DNM3: variants seen among roughly 807,000 people sequenced by gnomAD.
DNM3 encodes dynamin 3, also known as dynamin-3.
Under a neutral mutation model 101.6 loss-of-function variants are expected in DNM3, and 47 were observed. The ratio of observed to expected loss-of-function variants is 0.46; its 90% CI spans 0.37 to 0.59. DNM3 has a LOEUF of 0.59. DNM3 is among the 20% of genes least tolerant of loss of function. The pLI, the probability that DNM3 is intolerant of heterozygous loss-of-function variation, is 0.00. For missense variants in DNM3, 849 were observed against 1,085.7 expected (o/e 0.78, Z 3.06); for synonymous variants, 385 against 387.9 (o/e 0.99, Z 0.09).
At chr1:172,078,660 T>A (rs991505006) in intron 11 of DNM3, among the ~76,000 whole-genome samples, 2 of 152,208 alleles carry the variant, frequency 1.3e-5, no homozygotes, top group African/African-American at 4.8e-5. Context: ...TTTGATCCTG[T>A]CATTATGATG....
chr1:172,292,144 C>T (rs1283878023), intron 15 of DNM3, among the ~76,000 whole-genome samples: 1 of 152,058 alleles, frequency 6.6e-6, no homozygotes, highest in East Asian at 1.9e-4. Context: ...GTATATTTTT[C>T]TTATATATTT....
intron 10 of DNM3, among the ~76,000 whole-genome samples, chr1:172,061,903 TG>T (rs1249317122): frequency 1.3e-5 from 2 of 152,052 alleles, no homozygotes; most frequent in Non-Finnish European, 2.9e-5. Context: ...CCCCCTCTAA[TG>T]GTTGCCATCC....
intron 17 of DNM3, among the ~76,000 whole-genome samples, chr1:172,358,705 T>G (rs1217074011): frequency 6.6e-6 from 1 of 152,098 alleles, no homozygotes; most frequent in Non-Finnish European, 1.5e-5. Flanking sequence ...CTCAGTTTGA[T>G]TCATTGCTTC....
At chr1:172,264,674 GT>G (rs888468634) in intron 15 of DNM3, among the ~76,000 whole-genome samples, 8 of 152,316 alleles carry the variant, frequency 5.3e-5, no homozygotes, top group African/African-American at 1.9e-4. Flanking sequence ...GGAGCTAAGA[GT>G]TTCTGTTTGA....
At chr1:172,232,756 A>G (rs1176961692) in intron 14 of DNM3, among the ~76,000 whole-genome samples, 7 of 152,208 alleles carry the variant, frequency 4.6e-5, no homozygotes, top group Non-Finnish European at 1.0e-4. Flanking sequence ...GCTCAACTAC[A>G]TGGAAACTGA....
intron 2 of DNM3, among the ~76,000 whole-genome samples, chr1:171,983,398 C>CAGTGAGTAATGATGCACCACT (rs2044975981): frequency 1.1e-4 from 13 of 119,484 alleles, no homozygotes; most frequent in South Asian, 5.5e-4. Flanking sequence ...GTTGAGGCTG[C>CAGTGAGTAATGATGCACCACT]CTTAAACCTC....
chr1:172,075,517 A>G (rs1004036059), intron 11 of DNM3, among the ~76,000 whole-genome samples: 2 of 152,180 alleles, frequency 1.3e-5, no homozygotes, highest in Non-Finnish European at 2.9e-5. Context: ...GTCCAGTTTC[A>G]GTCTTCTGCA....
At chr1:172,198,361 T>C (rs1174939120) in intron 14 of DNM3, among the ~76,000 whole-genome samples, 1 of 152,204 alleles carries the variant, frequency 6.6e-6, no homozygotes, top group East Asian at 1.9e-4. Flanking sequence ...ATCAAGGATA[T>C]TGACCTGAAG....
chr1:172,108,624 C>T (rs114547571), intron 13 of DNM3, among the ~76,000 whole-genome samples: 75 of 152,322 alleles, frequency 4.9e-4, no homozygotes, highest in Non-Finnish European at 9.8e-4. Flanking sequence ...CCCAAAGTTA[C>T]TATGAAATTT....
At chr1:172,068,987 G>A in intron 11 of DNM3, 82 bp downstream of exon 11, 1 of 1,210,648 alleles carries the variant, frequency 8.3e-7, no homozygotes, top group Non-Finnish European at 1.2e-6. Flanking sequence ...GTTCCCAACA[G>A]TCAGCCTGTC....
At chr1:172,133,956 G>C (rs1280566971) in intron 14 of DNM3, among the ~76,000 whole-genome samples, 1 of 152,200 alleles carries the variant, frequency 6.6e-6, no homozygotes, top group Non-Finnish European at 1.5e-5. Context: ...AAAATGATTG[G>C]AGTGTTCCAA....
chr1:171,847,284 C>A (rs1471335867), intron 1 of DNM3, among the ~76,000 whole-genome samples: 1 of 152,010 alleles, frequency 6.6e-6, no homozygotes, highest in East Asian at 1.9e-4. Context: ...TTACAAAAAT[C>A]CCTGAAAAAC....
intron 15 of DNM3, among the ~76,000 whole-genome samples, chr1:172,262,137 G>A (rs576166206): frequency 6.6e-6 from 1 of 152,286 alleles, no homozygotes; most frequent in African/African-American, 2.4e-5. Flanking sequence ...GCTTTCCCTG[G>A]GTGGAGCCAT....
chr1:172,181,335 T>C (rs149338833), intron 14 of DNM3, among the ~76,000 whole-genome samples: 2 of 151,696 alleles, frequency 1.3e-5, no homozygotes, highest in East Asian at 3.9e-4. Context: ...TCATTTTTCC[T>C]CTTGATGAAT....
chr1:172,257,242 C>T lies in DNM3; in HGVS notation c.1769+3560C>T, dbSNP rs79482450. 2.0e-4 allele frequency among the ~76,000 whole-genome samples: 31 copies of T among 152,148 alleles called. 2 individuals are homozygous for T. The East Asian group carries it at 6.0e-3, about 29-fold the overall frequency. On this transcript the variant is annotated intron_variant, in intron 15 of 20. Transcript: ENST00000627582. Reference sequence around the variant, plus strand: ...CAGATACTGTTCTATGCTTAAAATACACCTGTGAATCAAATAGACAAAGAC... The same window carrying T: ...CAGATACTGTTCTATGCTTAAAATATACCTGTGAATCAAATAGACAAAGAC...
chr1:172,323,457 C>T (rs369414843), intron 17 of DNM3, 117 bp downstream of exon 17: 38 of 1,261,606 alleles, frequency 3.0e-5, no homozygotes, highest in East Asian at 7.6e-5. Flanking sequence ...TTACAGTGCA[C>T]GAATTATATG....
At position 172,408,884 on chromosome 1, in the gene DNM3, A is replaced by T; in HGVS notation, c.*1043A>T. On this transcript the variant is annotated 3_prime_UTR_variant, in exon 21 of 21. Transcript: ENST00000627582. ...TAAATCTTGAGGCTATGGGATAATC[A>T]CATTTAAAGAATGGTTCCTGAAATG... is the stretch of plus-strand genomic sequence containing the variant. The T allele has an allele frequency of 1.0e-6, 1 of 985,332 alleles. No individual in the cohort carries two copies. The highest frequency in any genetic ancestry group is 6.2e-5 in the Admixed American group (1 of 16,260). The allele number at this position is 985,332 out of a possible 1,614,324, so 61.0% of individuals were successfully genotyped here.
intron 13 of DNM3, among the ~76,000 whole-genome samples, chr1:172,097,715 T>C (rs2054339166): frequency 6.6e-6 from 1 of 152,118 alleles, no homozygotes; most frequent in African/African-American, 2.4e-5. Context: ...TCATGGGAAA[T>C]TCAGTCAGAT....
intron 14 of DNM3, among the ~76,000 whole-genome samples, chr1:172,152,841 C>T (rs994062472): frequency 6.6e-6 from 1 of 152,120 alleles, no homozygotes; most frequent in Non-Finnish European, 1.5e-5. Flanking sequence ...CGGTTTTTAA[C>T]CATGTAAGAT....
Sources: gnomAD v4.1 joint callset for allele counts (sites outside exome capture counted in the v4.1 genomes callset) on GRCh38, gnomAD v4.1.1 for gene constraint, MANE v1.5 for transcripts, NCBI Gene and HGNC (gene_info 2026-07-23, HGNC 2026-07-21) for gene names.